Variants in TRIO observed in about 807,000 individuals in gnomAD.
TRIO encodes the protein trio Rho guanine nucleotide exchange factor, also known as triple functional domain protein.
TRIO carries 58 observed loss-of-function variants against 351.9 expected under a neutral mutation model. The ratio of observed to expected loss-of-function variants is 0.16; its 90% confidence interval spans 0.13 to 0.21. TRIO has a LOEUF of 0.21. Ranked by LOEUF, TRIO falls within the 10% of genes least tolerant of loss-of-function variation. TRIO has a pLI of 1.00. For synonymous variants in TRIO, 1,758 were observed against 1,595.7 expected (o/e 1.10, Z -2.42); for missense variants, 3,201 against 4,027.8 (o/e 0.79, Z 5.56).
At chr5:14,400,870 C>A in intron 30 of TRIO, 93 bp from the exon 31 acceptor site, 1 of 1,150,826 alleles carries the variant, frequency 8.7e-7, no homozygotes, top group South Asian at 1.4e-5. Context: ...CCTAACATGG[C>A]CACAAGTAAC....
At chr5:14,407,914 A>C (rs1242093414) in intron 33 of TRIO, among the ~76,000 whole-genome samples, 1 of 152,220 alleles carries the variant, frequency 6.6e-6, no homozygotes, top group Non-Finnish European at 1.5e-5. Flanking sequence ...TGCTAGACTG[A>C]ATTCTTTTTA....
chr5:14,157,782 T>G (rs1788205010), intron 1 of TRIO, among the ~76,000 whole-genome samples: 2 of 151,920 alleles, frequency 1.3e-5, no homozygotes, highest in Admixed American at 1.3e-4. Context: ...GAGATGGGGT[T>G]TCGCCATGTT....
At chr5:14,432,391 C>G (rs10062432) in intron 34 of TRIO, among the ~76,000 whole-genome samples, 58 of 152,352 alleles carry the variant, frequency 3.8e-4, no homozygotes, top group African/African-American at 1.3e-3. Flanking sequence ...GAGACAAACT[C>G]AGTTGCCCAA....
chr5:14,233,692 C>T (rs904845192), intron 1 of TRIO, among the ~76,000 whole-genome samples: 1 of 152,154 alleles, frequency 6.6e-6, no homozygotes, highest in Non-Finnish European at 1.5e-5. Context: ...CATGCACCAC[C>T]ACGCCTGGCT....
At chr5:14,190,900 A>G (rs1263473553) in intron 1 of TRIO, among the ~76,000 whole-genome samples, 1 of 152,202 alleles carries the variant, frequency 6.6e-6, no homozygotes, top group African/African-American at 2.4e-5. Context: ...ATAGCCATTT[A>G]ATCAGTTTGT....
chr5:14,183,967 T>A, intron 1 of TRIO: 1 of 698,474 alleles, frequency 1.4e-6, no homozygotes, highest in South Asian at 1.5e-5. Flanking sequence ...AAGGTAAGGA[T>A]GTGTCCCAGA....
At chr5:14,328,905 C>T (rs965634489) in intron 9 of TRIO, among the ~76,000 whole-genome samples, 1 of 152,116 alleles carries the variant, frequency 6.6e-6, no homozygotes, top group Non-Finnish European at 1.5e-5. Context: ...TCAGTGCCTG[C>T]CAGTTCTAGA....
intron 1 of TRIO, among the ~76,000 whole-genome samples, chr5:14,171,094 T>G (rs1050880990): frequency 2.6e-5 from 4 of 152,116 alleles, no homozygotes; most frequent in African/African-American, 9.7e-5. Flanking sequence ...AGTTGGAAAT[T>G]GTTACAATTC....
chr5:14,258,840 C>G (rs1240742156), intron 1 of TRIO, among the ~76,000 whole-genome samples: 1 of 152,188 alleles, frequency 6.6e-6, no homozygotes, highest in East Asian at 1.9e-4. Context: ...TCTGTGGGAA[C>G]TTTTTGTGAT....
At chr5:14,351,117 A>G (rs1473316533) in intron 11 of TRIO, among the ~76,000 whole-genome samples, 3 of 152,190 alleles carry the variant, frequency 2.0e-5, no homozygotes, top group South Asian at 2.1e-4. Flanking sequence ...GCCACAGATC[A>G]GTACTGGTCC....
intron 1 of TRIO, among the ~76,000 whole-genome samples, chr5:14,221,427 A>G (rs1031380992): frequency 1.3e-5 from 2 of 152,244 alleles, no homozygotes; most frequent in African/African-American, 2.4e-5. Flanking sequence ...TGTAGCTGCC[A>G]TAGATAGTGA....
intron 34 of TRIO, among the ~76,000 whole-genome samples, chr5:14,448,821 G>A (rs1282638856): frequency 6.6e-6 from 1 of 152,154 alleles, no homozygotes; most frequent in African/African-American, 2.4e-5. Flanking sequence ...TAAAAGTCAG[G>A]AATGAGTCCA....
At chr5:14,269,989 C>T (rs1219879189) in intron 1 of TRIO, among the ~76,000 whole-genome samples, 1 of 152,154 alleles carries the variant, frequency 6.6e-6, no homozygotes, top group Non-Finnish European at 1.5e-5. Context: ...GAGAAATATC[C>T]AGTTATTATG....
At chr5:14,261,552 G>A (rs184898771) in intron 1 of TRIO, among the ~76,000 whole-genome samples, 42 of 152,290 alleles carry the variant, frequency 2.8e-4, no homozygotes, top group African/African-American at 9.9e-4. Flanking sequence ...ATCATGCTTG[G>A]TCTGTTTACA....
chr5:14,404,108 G>A (rs1017209924), intron 31 of TRIO, among the ~76,000 whole-genome samples: 1 of 151,772 alleles, frequency 6.6e-6, no homozygotes, highest in African/African-American at 2.4e-5. Context: ...GTAGGCAGTG[G>A]TAGAAGTAGA....
chr5:14,476,811 A>T, intron 40 of TRIO, 83 bp from the exon 41 acceptor site: 2 of 1,021,616 alleles, frequency 2.0e-6, no homozygotes, highest in Non-Finnish European at 2.7e-6. Context: ...AAAGAAAAAA[A>T]GAAAAAGAAA....
intron 1 of TRIO, among the ~76,000 whole-genome samples, chr5:14,171,482 G>A (rs1199219835): frequency 7.9e-5 from 12 of 152,148 alleles, no homozygotes; most frequent in Admixed American, 5.9e-4. Context: ...CTGATGAGCC[G>A]GAGGTCAAAA....
chr5:14,493,773 A>G (rs961173217), intron 49 of TRIO, among the ~76,000 whole-genome samples: 1 of 152,250 alleles, frequency 6.6e-6, no homozygotes, highest in Non-Finnish European at 1.5e-5. Flanking sequence ...CGCCTCTCGC[A>G]CCGAACAGTT....
chr5:14,393,411 G>A (rs1747284708), intron 27 of TRIO, among the ~76,000 whole-genome samples: 1 of 152,186 alleles, frequency 6.6e-6, no homozygotes, highest in Non-Finnish European at 1.5e-5. Context: ...CCTAAAACAT[G>A]TCTTCAAGAA....
Sources: gnomAD v4.1 joint callset for allele counts (sites outside exome capture counted in the v4.1 genomes callset) on GRCh38, gnomAD v4.1.1 for gene constraint, MANE v1.5 for transcripts, NCBI Gene and HGNC (gene_info 2026-07-23, HGNC 2026-07-21) for gene names.